HMCN2: variants seen among roughly 807,000 people sequenced by gnomAD.
The protein encoded by HMCN2 is hemicentin 2.
A neutral mutation model predicts 377.5 loss-of-function variants in HMCN2; 325 were observed. The ratio of observed to expected loss-of-function variants is 0.86; its 90% CI spans 0.79 to 0.94. HMCN2 has a LOEUF of 0.94. HMCN2 is among the 40% of genes least tolerant of loss of function. The pLI is 0.00. For missense variants in HMCN2, 4,543 were observed against 4,725.3 expected, an observed-to-expected ratio of 0.96 and a Z score of 1.13; for synonymous variants, 2,007 against 2,046.8, an observed-to-expected ratio of 0.98 and a Z score of 0.53.
intron 83 of HMCN2, 128 bp from the exon 84 acceptor site, chr9:130,408,615 A>G (rs751112644): frequency 4.3e-6 from 2 of 462,460 alleles, no homozygotes; most frequent in Admixed American, 3.7e-5. Context: ...AAACACAACC[A>G]TGCTGTGCTA....
chr9:130,280,898 G>A (rs1554925444), intron 1 of HMCN2, among the ~76,000 whole-genome samples: 1 of 152,148 alleles, frequency 6.6e-6, no homozygotes, highest in Non-Finnish European at 1.5e-5. Flanking sequence ...GAGGTCAGGA[G>A]ATCGAGACCA....
intron 47 of HMCN2, among the ~76,000 whole-genome samples, chr9:130,372,831 A>C (rs1417514154): frequency 6.6e-6 from 1 of 152,178 alleles, no homozygotes; most frequent in Non-Finnish European, 1.5e-5. Context: ...CTCTCATCAG[A>C]GTCTTCTTCT....
At chr9:130,312,421 T>C (rs1251298922) in intron 15 of HMCN2, among the ~76,000 whole-genome samples, 1 of 151,690 alleles carries the variant, frequency 6.6e-6, no homozygotes, top group Non-Finnish European at 1.5e-5. Flanking sequence ...GGCATTGTCA[T>C]CCTTTGCTCA....
intron 34 of HMCN2, among the ~76,000 whole-genome samples, chr9:130,356,893 A>T (rs1027559207): frequency 2.6e-5 from 4 of 152,066 alleles, no homozygotes; most frequent in Admixed American, 6.5e-5. Flanking sequence ...TGGATAGATC[A>T]GTGGGTGGGT....
intron 49 of HMCN2, 27 bp downstream of exon 49, chr9:130,374,720 C>A (rs551490273): frequency 2.0e-6 from 2 of 982,534 alleles, no homozygotes; most frequent in African/African-American, 3.5e-5. Context: ...TCCTGGCCAC[C>A]GCGGGTGCTG....
At position 130,433,604 on chromosome 9, in the gene HMCN2, G is replaced by C. The variant is rs1460086416; in HGVS notation, c.15151G>C (p.Gly5051Arg). ...VYTRRALTRA[G>R]LYRLTVRAAA... ...CACCCGTCGCGCGCTCACCCGCGCC[G>C]GCCTCTACCGGCTCACCGTGCGTGC... The change falls in exon 98 of 98, where the codon GGC becomes CGC. Residue 5051 changes from glycine to arginine, a missense_variant. Around this residue, in one of 5 missense-constraint regions of HMCN2, gnomAD observed 1,155 missense variants for 1,157.7 expected, o/e 1.00. Coordinates refer to ENST00000683500, the MANE Select transcript of HMCN2 (RefSeq NM_001291815.2). 2 of 1,515,244 alleles carry C rather than the reference G, an allele frequency of 1.3e-6. No individual in the cohort carries two copies. Among genetic ancestry groups the C allele is most frequent in the Non-Finnish European group, 1.8e-6 (2 of 1,133,188 alleles). 93.9% of individuals were successfully genotyped at this position (1,515,244 alleles called of 1,614,324 possible).
intron 83 of HMCN2, among the ~76,000 whole-genome samples, chr9:130,408,428 A>G (rs1333913971): frequency 1.3e-5 from 2 of 152,194 alleles, no homozygotes; most frequent in African/African-American, 2.4e-5. Context: ...AAGAGAGTAT[A>G]TGACACGCGT....
In HMCN2 at chr9:130,397,645, A is replaced by G. The variant is rs1450185153; in HGVS notation, c.11316A>G (p.Leu3772=). 14 of 1,289,644 alleles carry G rather than the reference A, an allele frequency of 1.1e-5. No individual in the cohort carries two copies. In the Admixed American group the frequency reaches 2.3e-4, roughly 21 times the overall value. 79.9% of individuals were successfully genotyped at this position (1,289,644 alleles called of 1,614,324 possible). ...GCTCCGATCGTCAAGGCCGTGACCT[A>G]CGGGTCTTGGGTAGGTGGCCTGGGG... ...SAGSDRQGRD[L]RVLEPPAIAP... is the part of the protein sequence containing the mutation. Residue 3772 remains leucine (L), a synonymous_variant, in exon 74 of 98, where the codon CTA becomes CTG. Transcript: ENST00000683500.
intron 85 of HMCN2, among the ~76,000 whole-genome samples, chr9:130,411,954 T>C (rs1376207153): frequency 4.3e-5 from 2 of 46,480 alleles, no homozygotes; most frequent in Non-Finnish European, 1.3e-4. Context: ...ATGTAATGTA[T>C]TTTTTTTACA....
At chr9:130,383,974 T>G (rs1841875426) in intron 57 of HMCN2, among the ~76,000 whole-genome samples, 1 of 151,956 alleles carries the variant, frequency 6.6e-6, no homozygotes, top group Admixed American at 6.6e-5. Context: ...GGAGTGGGAT[T>G]GGGGGGGTCT....
rs558862511 is a variant in HMCN2, at chr9:130,370,366, T to G, written c.7069+515T>G. Among the ~76,000 whole-genome samples the G allele has an allele frequency of 3.3e-5, 5 of 152,182 alleles. No individual in the cohort carries two copies. In the South Asian group the frequency reaches 1.0e-3, roughly 32 times the overall value. On this transcript the variant is annotated intron_variant, in intron 45 of 97. Coordinates refer to ENST00000683500, the MANE Select transcript of HMCN2 (RefSeq NM_001291815.2). ...CAGCCTCATGCATTCCATCATTTAC[T>G]GAGCTCCTACTGTATGCCTGAAGGA... is the stretch of plus-strand genomic sequence containing the variant.
chr9:130,428,406 G>A lies in HMCN2; in HGVS notation c.14114G>A (p.Arg4705His), dbSNP rs781728448. 170 of 1,547,650 alleles carry A rather than the reference G, an allele frequency of 1.1e-4. 1 individual carries two copies. Among genetic ancestry groups the A allele is most frequent in the East Asian group, 7.8e-4 (32 of 40,938 alleles). ...WDAHLCREGQ[R>H]CVNLLGSYRC... is the part of the protein sequence containing the mutation. Reference sequence around the variant, plus strand: ...GCTCACCTCTGCCGAGAGGGACAGCGCTGTGTGAACCTGCTCGGGTCCTAC... The same window carrying A: ...GCTCACCTCTGCCGAGAGGGACAGCACTGTGTGAACCTGCTCGGGTCCTAC... The change falls in exon 93 of 98, where the codon CGC becomes CAC. Residue 4705 changes from arginine to histidine, a missense_variant. Around this residue, in one of 5 missense-constraint regions of HMCN2, gnomAD observed 1,155 missense variants for 1,157.7 expected, o/e 1.00. Coordinates refer to ENST00000683500, the MANE Select transcript of HMCN2 (RefSeq NM_001291815.2). This position sits in a 1 kb window ranked among gnomAD's most constrained non-coding sequence, Gnocchi z 5.0.
At chr9:130,382,655 C>A in intron 55 of HMCN2, 24 bp from the exon 56 acceptor site, 2 of 908,174 alleles carry the variant, frequency 2.2e-6, no homozygotes, top group Non-Finnish European at 2.6e-6. Flanking sequence ...GCCAGCCCCT[C>A]AGCCCCCTCT....
chr9:130,301,133 G>C (rs1373598725), intron 8 of HMCN2, among the ~76,000 whole-genome samples: 1 of 152,232 alleles, frequency 6.6e-6, no homozygotes, highest in Non-Finnish European at 1.5e-5. Context: ...GGTTGGTGGA[G>C]GACTTTGAGG....
In HMCN2 at chr9:130,395,066, C is replaced by T. The variant is rs775532075; in HGVS notation, c.10732C>T (p.Pro3578Ser). 1.6e-6 allele frequency: 2 copies of T among 1,285,592 alleles called. No individual in the cohort carries two copies. The highest frequency in any genetic ancestry group is 1.2e-5 in the South Asian group (1 of 80,740). 79.6% of individuals were successfully genotyped at this position (1,285,592 alleles called of 1,614,324 possible). Residue 3578 changes from proline (P) to serine (S), a missense_variant, in exon 70 of 98, where the codon CCT becomes TCT. By Grantham distance (74) the Pro-to-Ser change is moderately conservative (BLOSUM62 -1). Coordinates refer to ENST00000683500, the MANE Select transcript of HMCN2 (RefSeq NM_001291815.2). The stretch of plus-strand genomic sequence containing the variant: ...GCTGTACACTTGTCTGGCTGAAAGC[C>T]CTGCAGGTGCAATTGAGAAGAGCTT... ...AGLYTCLAES[P>S]AGAIEKSFRV...
intron 4 of HMCN2, among the ~76,000 whole-genome samples, chr9:130,293,300 T>TTTTTTTTTTTTTTTTTTTTTTCTTC (rs1491174902): frequency 7.9e-6 from 1 of 126,732 alleles, no homozygotes; most frequent in Non-Finnish European, 1.7e-5. Context: ...TTTTTTTTTT[T>TTTTTTTTTTTTTTTTTTTTTTCTTC]GCGGTTCTTG....
At chr9:130,275,716 C>T (rs886398678) in intron 1 of HMCN2, among the ~76,000 whole-genome samples, 1 of 152,134 alleles carries the variant, frequency 6.6e-6, no homozygotes, top group Non-Finnish European at 1.5e-5. Flanking sequence ...TCCCAAAGTG[C>T]TGGGATTACA....
At position 130,347,866 on chromosome 9, in the gene HMCN2, A is replaced by C. The variant is rs1839469780; in HGVS notation, c.4024+506A>C. On this transcript the variant is annotated intron_variant, in intron 26 of 97. Coordinates refer to ENST00000683500, the MANE Select transcript of HMCN2 (RefSeq NM_001291815.2). The surrounding 1 kb of genome is among the most constrained non-coding windows in gnomAD (Gnocchi z 5.1). Reference sequence around the variant, plus strand: ...GTCTCTACATAAAATAAACTTAAAAAATTATTTTTAAAAATGAGCACGGAT... The same window carrying C: ...GTCTCTACATAAAATAAACTTAAAACATTATTTTTAAAAATGAGCACGGAT... 3.1e-6 allele frequency: 1 copy of C among 319,888 alleles called. No homozygotes were observed. The highest frequency in any genetic ancestry group is 1.3e-4 in the South Asian group (1 of 7,904). 19.8% of individuals were successfully genotyped at this position (319,888 alleles called of 1,614,324 possible).
Position 130,409,926 on chromosome 9 carries a change from G to A in HMCN2, c.12880-645G>A, listed in dbSNP as rs542806038. ...GCCTCAGGCTGCCCCAGGCCCATCT[G>A]ATGGTGGCGCTGCCACTCAGAAGTG... On this transcript the variant is annotated intron_variant, in intron 84 of 97. Transcript: ENST00000683500. Among the ~76,000 whole-genome samples the A allele has an allele frequency of 4.9e-4, 74 of 152,312 alleles. 1 individual carries two copies. The highest frequency in any genetic ancestry group is 1.8e-3 in the African/African-American group (73 of 41,574).
Sources: gnomAD v4.1 joint callset for allele counts (sites outside exome capture counted in the v4.1 genomes callset) on GRCh38, gnomAD v4.1.1 for gene constraint, gnomAD v4.1.1 regional missense constraint, Gnocchi (gnomAD v3.1) non-coding constraint, MANE v1.5 for transcripts, NCBI Gene and HGNC (gene_info 2026-07-23, HGNC 2026-07-21) for gene names.